The following JMJD1C variants were observed in gnomAD, a reference collection of about 807,000 sequenced individuals.
JMJD1C encodes jumonji domain containing 1C.
JMJD1C carries 31 observed loss-of-function variants against 245.3 expected under a neutral mutation model. The observed-to-expected ratio is 0.13, with a 90% CI of 0.09 to 0.17. The LOEUF is 0.17. Ranked by LOEUF, JMJD1C falls within the 10% of genes least tolerant of loss-of-function variation. The pLI is 1.00. For synonymous variants in JMJD1C, 1,057 were observed against 1,017.4 expected, an observed-to-expected ratio of 1.04 and a Z score of -0.74; for missense variants, 2,691 against 3,000.2, an observed-to-expected ratio of 0.90 and a Z score of 2.41.
chr10:63,189,793 T>C (rs1191352783), intron 17 of JMJD1C, among the ~76,000 whole-genome samples: 1 of 152,020 alleles, frequency 6.6e-6, no homozygotes, highest in East Asian at 1.9e-4. Context: ...TCAGGCTGGT[T>C]TCAAACTCCT....
chr10:63,226,099 A>G (rs762205302), intron 3 of JMJD1C, among the ~76,000 whole-genome samples: 4 of 152,162 alleles, frequency 2.6e-5, no homozygotes, highest in African/African-American at 4.8e-5. Flanking sequence ...AAGGGGTAAA[A>G]GGCAACATTA....
intron 2 of JMJD1C, among the ~76,000 whole-genome samples, chr10:63,355,632 A>G (rs1482190296): frequency 5.9e-5 from 9 of 152,218 alleles, no homozygotes; most frequent in Admixed American, 4.6e-4. Flanking sequence ...GAGTTGGAAA[A>G]GAGAACTTTT....
chr10:63,441,413 AAAT>A (rs1213555120), intron 1 of JMJD1C, among the ~76,000 whole-genome samples: 1 of 152,198 alleles, frequency 6.6e-6, no homozygotes, highest in African/African-American at 2.4e-5. Context: ...TATAAAATGG[AAAT>A]AATAGTAGTA....
chr10:63,502,629 T>C (rs1382982800), intron 1 of JMJD1C, among the ~76,000 whole-genome samples: 5 of 106,600 alleles, frequency 4.7e-5, no homozygotes, highest in Admixed American at 1.1e-4. Context: ...AGAGCGAGAC[T>C]TTGTCTCAAA....
chr10:63,458,555 T>G (rs1287066913), intron 1 of JMJD1C, among the ~76,000 whole-genome samples: 1 of 151,906 alleles, frequency 6.6e-6, no homozygotes, highest in Non-Finnish European at 1.5e-5. Context: ...ATATGATCAC[T>G]ATCAAATCTC....
chr10:63,314,490 G>C (rs1362200028), intron 2 of JMJD1C, among the ~76,000 whole-genome samples: 1 of 152,224 alleles, frequency 6.6e-6, no homozygotes, highest in Non-Finnish European at 1.5e-5. Flanking sequence ...AGCAAGGGAA[G>C]TCGAGGCTAC....
intron 1 of JMJD1C, among the ~76,000 whole-genome samples, chr10:63,499,542 C>T (rs575322932): frequency 3.9e-5 from 6 of 152,046 alleles, no homozygotes; most frequent in South Asian, 4.1e-4. Flanking sequence ...TCATGGCCTT[C>T]GTGTCAAGTG....
At chr10:63,348,813 TAA>T (rs1944075943) in intron 2 of JMJD1C, among the ~76,000 whole-genome samples, 1 of 151,960 alleles carries the variant, frequency 6.6e-6, no homozygotes, top group Non-Finnish European at 1.5e-5. Context: ...AACTGATCAC[TAA>T]AGAGAGTCTG....
intron 1 of JMJD1C, among the ~76,000 whole-genome samples, chr10:63,435,378 A>G (rs987212955): frequency 6.6e-6 from 1 of 152,192 alleles, no homozygotes; most frequent in Non-Finnish European, 1.5e-5. Context: ...GGAGGGAATG[A>G]CTGAATAAAT....
intron 10 of JMJD1C, chr10:63,205,032 C>T (rs951843170): frequency 1.0e-6 from 1 of 984,994 alleles, no homozygotes; most frequent in South Asian, 4.7e-5. Context: ...GTGCAACATA[C>T]CTAAAAAGAA....
At chr10:63,299,081 AAAC>A (rs1359716077) in intron 2 of JMJD1C, among the ~76,000 whole-genome samples, 1 of 152,196 alleles carries the variant, frequency 6.6e-6, no homozygotes, top group Non-Finnish European at 1.5e-5. Flanking sequence ...CATATTTAAT[AAAC>A]ATTATTACTA....
chr10:63,213,184 C>CA (rs1353771228), intron 8 of JMJD1C, among the ~76,000 whole-genome samples: 1,266 of 55,504 alleles, frequency 0.023, 10 homozygotes, highest in African/African-American at 0.05. Context: ...GACTCCATCT[C>CA]AAAAAAAAAA....
At chr10:63,194,253 A>T in intron 14 of JMJD1C, 33 bp downstream of exon 14, 1 of 1,305,130 alleles carries the variant, frequency 7.7e-7, no homozygotes, top group Admixed American at 1.7e-5. Flanking sequence ...AGCAACCAAG[A>T]GCAGTTATAT....
rs143923084 is a variant in JMJD1C, at chr10:63,320,268, T to C, written c.334-55504A>G. Among the ~76,000 whole-genome samples the C allele has an allele frequency of 4.0e-4, 61 of 152,344 alleles. 1 individual carries two copies. Among genetic ancestry groups the C allele is most frequent in the African/African-American group, 1.3e-3 (53 of 41,578 alleles). On this transcript the variant is annotated intron_variant, in intron 2 of 25. Transcript: ENST00000399262. ...ATTTTTTCTTTTAGATTTTATTTCA[T>C]ATTATCTTCCTCTAATATTTTTAAT...
chr10:63,285,270 C>T (rs1857857135), intron 2 of JMJD1C, among the ~76,000 whole-genome samples: 1 of 152,186 alleles, frequency 6.6e-6, no homozygotes, highest in East Asian at 1.9e-4. Context: ...CAGACTGGGA[C>T]AGGAGCAGAA....
At position 63,168,063 on chromosome 10, in the gene JMJD1C, C is replaced by A. The variant is rs1935; in HGVS notation, c.7605G>T (p.Glu2535Asp). The A allele has an allele frequency of 2.5e-6, 4 of 1,589,382 alleles. 1 individual carries two copies. Among genetic ancestry groups the A allele is most frequent in the South Asian group, 1.1e-5 (1 of 90,492 alleles). ...ATCACACTTAATTTTCTTCCATATC[C>A]TCTACTTCATCCTCGTGTATCTTCA... ...RALKIHEDEV[E>D]DMEEN Residue 2535 changes from glutamate (E) to aspartate (D), a missense_variant, in exon 26 of 26, where the codon GAG becomes GAT. Around this residue, in one of 9 missense-constraint regions of JMJD1C, gnomAD observed 27 missense variants for 18.4 expected, o/e 1.47. Transcript: ENST00000399262.
At chr10:63,300,475 G>T (rs1003574509) in intron 2 of JMJD1C, among the ~76,000 whole-genome samples, 1 of 152,134 alleles carries the variant, frequency 6.6e-6, no homozygotes, top group Admixed American at 6.5e-5. Context: ...ATCACAGGAA[G>T]AATTTTTTTA....
At chr10:63,375,535 C>CGTGT (rs1206144769) in intron 2 of JMJD1C, among the ~76,000 whole-genome samples, 49,943 of 147,196 alleles carry the variant, frequency 0.34, 8,463 homozygotes, top group Middle Eastern at 0.43. Context: ...AATATTTACA[C>CGTGT]GTGTGTGTGT....
chr10:63,451,412 TG>T (rs1952061189), intron 1 of JMJD1C, among the ~76,000 whole-genome samples: 1 of 152,150 alleles, frequency 6.6e-6, no homozygotes, highest in African/African-American at 2.4e-5. Flanking sequence ...GCTGCAGGAC[TG>T]GGATAAAGAC....
Sources: allele counts gnomAD v4.1 joint callset (sites outside exome capture counted in the v4.1 genomes callset), GRCh38; gene constraint gnomAD v4.1.1; regional missense constraint gnomAD v4.1.1; transcripts MANE v1.5; gene names NCBI Gene and HGNC (gene_info 2026-07-23, HGNC 2026-07-21).